Variants in SDF2 observed in about 807,000 individuals in gnomAD.
SDF2 encodes stromal cell derived factor 2, also known as stromal cell-derived factor 2.
A neutral mutation model predicts 20.5 loss-of-function variants in SDF2; 12 were observed. The observed-to-expected ratio is 0.58, with a 90% CI of 0.37 to 0.95. The LOEUF (loss-of-function observed/expected upper bound fraction) is 0.95. Among genes scored for constraint, SDF2 ranks in the 40% least tolerant of loss-of-function variants. The pLI is 0.01. For synonymous variants in SDF2, 100 were observed against 101.0 expected (o/e 0.99, Z 0.06); for missense variants, 238 against 263.1 (o/e 0.90, Z 0.66).
chr17:28,649,719 A>G (rs1431438224), intron 2 of SDF2, among the ~76,000 whole-genome samples: 1 of 145,334 alleles, frequency 6.9e-6, no homozygotes, highest in Non-Finnish European at 1.5e-5. Context: ...GGGCAACAAG[A>G]GCAAAACTCT....
At chr17:28,659,035 GCTC>G (rs1206283622) in intron 1 of SDF2, among the ~76,000 whole-genome samples, 2 of 144,450 alleles carry the variant, frequency 1.4e-5, no homozygotes, top group Non-Finnish European at 3.0e-5. Flanking sequence ...GTGCAGAGGC[GCTC>G]CTCACTTCCT....
chr17:28,650,871 A>G (rs1037636491), intron 2 of SDF2, among the ~76,000 whole-genome samples: 12 of 149,848 alleles, frequency 8.0e-5, no homozygotes, highest in African/African-American at 2.9e-4. Flanking sequence ...GCTGGAGTGC[A>G]GTGCCTCAAG....
chr17:28,653,154 GA>G (rs2071928832), intron 2 of SDF2, among the ~76,000 whole-genome samples: 1 of 152,102 alleles, frequency 6.6e-6, no homozygotes, highest in South Asian at 2.1e-4. Context: ...TGGAAAGGGG[GA>G]AAATGAAAAG....
intron 1 of SDF2, among the ~76,000 whole-genome samples, chr17:28,660,156 G>A (rs765861628): frequency 3.9e-5 from 6 of 152,286 alleles, no homozygotes; most frequent in East Asian, 1.9e-4. Flanking sequence ...GGAGAATCAC[G>A]GGAGCCCCAG....
In SDF2 at chr17:28,648,762, G is replaced by A. The variant is rs2071886442; in HGVS notation, c.*227C>T. On this transcript the variant is annotated 3_prime_UTR_variant, in exon 3 of 3. Transcript: ENST00000247020. ...ATAAAAAGCATCTGCCCCTTTACCA[G>A]CAAGTCCTCTACTCAGAAAGAACTG... The A allele has an allele frequency of 3.5e-6, 2 of 578,502 alleles. No individual in the cohort carries two copies. The highest frequency in any genetic ancestry group is 6.2e-6 in the Non-Finnish European group (2 of 324,672). The allele number at this position is 578,502 out of a possible 1,614,324, so 35.8% of individuals were successfully genotyped here. A position where few individuals can be genotyped will look rare whatever the true frequency, so the allele number is the denominator to read the frequency against.
Position 28,649,098 on chromosome 17 carries a change from A to C in SDF2, c.527T>G (p.Val176Gly). 2 of 1,614,154 alleles carry C rather than the reference A, an allele frequency of 1.2e-6. No individual in the cohort carries two copies. Among genetic ancestry groups the C allele is most frequent in the Non-Finnish European group, 1.7e-6 (2 of 1,180,032 alleles). Residue 176 changes from valine to glycine, a missense_variant, in exon 3 of 3, where the codon GTG becomes GGG. Val to Gly is a moderately radical substitution (Grantham distance 109, BLOSUM62 -3). Transcript: ENST00000247020. Reference sequence around the variant, plus strand: ...CTGACTTGGCTGGGCCATGCCATGCACCTCTTTTTGCCCACTGATAGGTCG... The same window carrying C: ...CTGACTTGGCTGGGCCATGCCATGCCCCTCTTTTTGCCCACTGATAGGTCG... ...YGRPISGQKE[V>G]HGMAQPSQNN...
Position 28,649,292 on chromosome 17 carries a change from G to A in SDF2, c.349-16C>T. ...CACTCACTTCCTAGAAAATACAGAAGGTAGTAACATCAGCATGGCTGACAA... is the reference window on the plus strand; with the variant it reads ...CACTCACTTCCTAGAAAATACAGAAAGTAGTAACATCAGCATGGCTGACAA... On this transcript the variant is annotated splice_polypyrimidine_tract_variant and intron_variant, in intron 2 of 2. Coordinates refer to ENST00000247020, the MANE Select transcript of SDF2 (RefSeq NM_006923.4). 3 of 1,610,298 alleles carry A rather than the reference G, an allele frequency of 1.9e-6. No homozygotes were observed. In the African/African-American group the frequency reaches 4.0e-5, roughly 21 times the overall value.
rs1235893398 is a variant in SDF2, at chr17:28,655,334, G to A, written c.301C>T (p.Arg101Ter). ...GTGAAGTGGTGACTATGGAGGTTTCGGCCAGTGTTGACATGTGTCAGCCGG... is the reference window on the plus strand; with the variant it reads ...GTGAAGTGGTGACTATGGAGGTTTCAGCCAGTGTTGACATGTGTCAGCCGG... ...PIRLTHVNTG[R>*]NLHSHHFTSP... Residue 101 changes from arginine to a stop codon, truncating the protein, a stop_gained, in exon 2 of 3, where the codon CGA becomes TGA. Transcript: ENST00000247020. LOFTEE classifies it high-confidence loss of function. 7 of 1,614,194 alleles carry A rather than the reference G, an allele frequency of 4.3e-6. No individual in the cohort carries two copies. Among genetic ancestry groups the A allele is most frequent in the Admixed American group, 1.7e-5 (1 of 60,022 alleles).
intron 2 of SDF2, among the ~76,000 whole-genome samples, chr17:28,652,594 C>T (rs770779023): frequency 6.6e-6 from 1 of 152,200 alleles, no homozygotes; most frequent in Non-Finnish European, 1.5e-5. Context: ...AGGTGTGAGC[C>T]ACTGCGCCTG....
chr17:28,649,063 A>G lies in SDF2; in HGVS notation c.562T>C (p.Trp188Arg), dbSNP rs1241410554. Residue 188 changes from tryptophan to arginine, a missense_variant, in exon 3 of 3, where the codon TGG becomes CGG. Coordinates refer to ENST00000247020, the MANE Select transcript of SDF2 (RefSeq NM_006923.4). ...GMAQPSQNNY[W>R]KAMEGIFMKP... is the part of the protein sequence containing the mutation. ...ATGAAGATGCCTTCCATGGCTTTCC[A>G]GTAGTTGTTCTGACTTGGCTGGGCC... 1 of 1,614,236 alleles carries G rather than the reference A, an allele frequency of 6.2e-7. No homozygotes were observed. Among genetic ancestry groups the G allele is most frequent in the South Asian group, 1.1e-5 (1 of 91,088 alleles).
At chr17:28,656,827 AACT>A (rs1441776162) in intron 1 of SDF2, among the ~76,000 whole-genome samples, 1 of 152,200 alleles carries the variant, frequency 6.6e-6, no homozygotes, top group Non-Finnish European at 1.5e-5. Flanking sequence ...CATGTTCATT[AACT>A]ATTATGATAA....
At position 28,655,421 on chromosome 17, in the gene SDF2, T is replaced by C; in HGVS notation, c.214A>G (p.Ile72Val). Reference sequence around the variant, plus strand: ...CACACTGTGGCACTCTTCCCCCGTATCCTCCAGTAACTGTTGCTGTCATCC... The same window carrying C: ...CACACTGTGGCACTCTTCCCCCGTACCCTCCAGTAACTGTTGCTGTCATCC... ...SVDDSNSYWRIRGKSATVCER... is the reference protein window; with the variant it reads ...SVDDSNSYWRVRGKSATVCER... The change falls in exon 2 of 3, where the codon ATA becomes GTA. Residue 72 changes from isoleucine (I) to valine (V), a missense_variant. Transcript: ENST00000247020. The C allele has an allele frequency of 6.2e-7, 1 of 1,614,190 alleles. No homozygotes were observed. The highest frequency in any genetic ancestry group is 8.5e-7 in the Non-Finnish European group (1 of 1,180,024).
chr17:28,651,373 C>G (rs1275562496), intron 2 of SDF2: 2 of 152,196 alleles, frequency 1.3e-5, no homozygotes, highest in Non-Finnish European at 2.9e-5. Context: ...CCTTAAAATA[C>G]TTTATATCTC....
intron 2 of SDF2, among the ~76,000 whole-genome samples, chr17:28,651,318 C>T (rs1054962702): frequency 1.3e-5 from 2 of 152,184 alleles, no homozygotes; most frequent in African/African-American, 4.8e-5. Context: ...CCTACCTCAG[C>T]GTAGTAAAGT....
At chr17:28,650,383 A>G (rs1195027840) in intron 2 of SDF2, among the ~76,000 whole-genome samples, 4 of 150,136 alleles carry the variant, frequency 2.7e-5, no homozygotes, top group Non-Finnish European at 5.9e-5. Flanking sequence ...AAAAGAAAGG[A>G]AAAAAAAAAG....
chr17:28,652,781 G>A (rs1484159734), intron 2 of SDF2, among the ~76,000 whole-genome samples: 1 of 152,198 alleles, frequency 6.6e-6, no homozygotes, highest in Non-Finnish European at 1.5e-5. Flanking sequence ...AGATGAGCCT[G>A]GAGCATCTTT....
chr17:28,658,959 G>A (rs938114887), intron 1 of SDF2, among the ~76,000 whole-genome samples: 9 of 147,690 alleles, frequency 6.1e-5, no homozygotes, highest in African/African-American at 1.3e-4. Context: ...GGGCAGAGGC[G>A]CTCCTCACAT....
At chr17:28,660,290 C>T (rs966105278) in intron 1 of SDF2, among the ~76,000 whole-genome samples, 9 of 152,220 alleles carry the variant, frequency 5.9e-5, no homozygotes, top group African/African-American at 1.9e-4. Context: ...AGTTCTTAAA[C>T]AATTGTTGAG....
intron 1 of SDF2, among the ~76,000 whole-genome samples, chr17:28,658,274 T>C (rs1364443516): frequency 6.6e-6 from 1 of 151,848 alleles, no homozygotes; most frequent in African/African-American, 2.4e-5. Flanking sequence ...TTTTTTAGTA[T>C]TTATTGTTCA....
Sources: allele counts gnomAD v4.1 joint callset (sites outside exome capture counted in the v4.1 genomes callset), GRCh38; gene constraint gnomAD v4.1.1; transcripts MANE v1.5; gene names NCBI Gene and HGNC (gene_info 2026-07-23, HGNC 2026-07-21).